SMOC2: variants seen among roughly 807,000 people sequenced by gnomAD.
SMOC2 encodes SPARC related modular calcium binding 2.
SMOC2 carries 39 observed loss-of-function variants against 61.4 expected under a neutral mutation model. The ratio of observed to expected loss-of-function variants is 0.64; its 90% CI spans 0.49 to 0.83. The LOEUF (loss-of-function observed/expected upper bound fraction) is 0.83, where lower values mean the gene tolerates loss of function less well. Ranked by LOEUF, SMOC2 falls within the 40% of genes least tolerant of loss-of-function variation. The pLI, the probability that SMOC2 is intolerant of heterozygous loss-of-function variation, is 0.00. For missense variants in SMOC2, 556 were observed against 592.9 expected (o/e 0.94, Z 0.65); for synonymous variants, 247 against 239.9 (o/e 1.03, Z -0.27).
intron 11 of SMOC2, among the ~76,000 whole-genome samples, chr6:168,661,784 A>G (rs929071790): frequency 3.9e-5 from 6 of 152,246 alleles, no homozygotes; most frequent in Non-Finnish European, 8.8e-5. Flanking sequence ...GATTCAAAGT[A>G]TCACTCCAAT....
intron 7 of SMOC2, among the ~76,000 whole-genome samples, chr6:168,565,527 C>A (rs1784522037): frequency 6.6e-6 from 1 of 152,206 alleles, no homozygotes; most frequent in Non-Finnish European, 1.5e-5. Flanking sequence ...CCTCATTTAT[C>A]CTTAATAAAC....
chr6:168,650,906 A>G, intron 10 of SMOC2, 123 bp downstream of exon 10: 1 of 838,940 alleles, frequency 1.2e-6, no homozygotes, highest in Non-Finnish European at 1.8e-6. Context: ...AGGGCCTTAA[A>G]AAGGAGCCTT....
At chr6:168,456,957 G>C (rs1781600330) in intron 1 of SMOC2, among the ~76,000 whole-genome samples, 1 of 152,142 alleles carries the variant, frequency 6.6e-6, no homozygotes, top group Admixed American at 6.5e-5. Flanking sequence ...AACAAGACTA[G>C]GGCTGCAGGG....
At chr6:168,588,830 C>T (rs539242745) in intron 7 of SMOC2, among the ~76,000 whole-genome samples, 19 of 152,204 alleles carry the variant, frequency 1.2e-4, no homozygotes, top group Middle Eastern at 3.4e-3. Context: ...TGTTGGCTCA[C>T]GCCTGTAATC....
chr6:168,510,788 T>C (rs569287288), intron 2 of SMOC2, among the ~76,000 whole-genome samples: 1 of 152,260 alleles, frequency 6.6e-6, no homozygotes, highest in East Asian at 1.9e-4. Flanking sequence ...CTTACCCAGG[T>C]GTGGAATAAG....
At chr6:168,616,062 C>T (rs899272525) in intron 9 of SMOC2, among the ~76,000 whole-genome samples, 1 of 152,184 alleles carries the variant, frequency 6.6e-6, no homozygotes, top group Non-Finnish European at 1.5e-5. Flanking sequence ...ACAAAGCAGA[C>T]AGGAGCCGGC....
At chr6:168,550,632 T>C (rs1318827908) in intron 7 of SMOC2, among the ~76,000 whole-genome samples, 1 of 152,190 alleles carries the variant, frequency 6.6e-6, no homozygotes, top group Non-Finnish European at 1.5e-5. Context: ...CTTAGCTGTG[T>C]GGCATCTTCT....
intron 2 of SMOC2, among the ~76,000 whole-genome samples, chr6:168,521,513 CTG>C (rs1783328976): frequency 6.6e-6 from 1 of 152,060 alleles, no homozygotes. Flanking sequence ...TGTTTTGTAA[CTG>C]AGAGAGATGA....
chr6:168,594,475 GGGC>G (rs1785262628), intron 7 of SMOC2, among the ~76,000 whole-genome samples: 1 of 2,316 alleles, frequency 4.3e-4, no homozygotes. Flanking sequence ...GAGGCCTCAC[GGGC>G]ATCTTTCTAG....
At chr6:168,599,057 G>C in intron 8 of SMOC2, 53 bp downstream of exon 8, 1 of 1,495,912 alleles carries the variant, frequency 6.7e-7, no homozygotes. Context: ...TTGGGGTGTG[G>C]AAGCCAGGAA....
intron 11 of SMOC2, among the ~76,000 whole-genome samples, chr6:168,660,816 C>G (rs1448847495): frequency 1.3e-5 from 2 of 152,218 alleles, no homozygotes; most frequent in Non-Finnish European, 2.9e-5. Flanking sequence ...TTCTTAGCCC[C>G]TGGCGAGGAA....
chr6:168,611,094 A>G (rs1464558219), intron 9 of SMOC2, among the ~76,000 whole-genome samples: 3 of 152,202 alleles, frequency 2.0e-5, no homozygotes, highest in Non-Finnish European at 4.4e-5. Flanking sequence ...CAGCCTCCCC[A>G]GCCCCCTGAC....
chr6:168,444,686 T>C (rs1263283791), intron 1 of SMOC2, among the ~76,000 whole-genome samples: 1 of 152,250 alleles, frequency 6.6e-6, no homozygotes, highest in Non-Finnish European at 1.5e-5. Flanking sequence ...TTTTCCTTTT[T>C]ATTTCTGTGA....
chr6:168,558,386 C>A (rs905977090), intron 7 of SMOC2, among the ~76,000 whole-genome samples: 2 of 152,102 alleles, frequency 1.3e-5, no homozygotes, highest in Admixed American at 6.5e-5. Flanking sequence ...TAGGTGTGCT[C>A]ACTCCTCCTC....
chr6:168,548,440 C>T (rs1784057878), intron 6 of SMOC2, among the ~76,000 whole-genome samples: 1 of 151,204 alleles, frequency 6.6e-6, no homozygotes, highest in Admixed American at 6.6e-5. Context: ...TCACTGCAAC[C>T]TCCGTCTCCT....
intron 9 of SMOC2, among the ~76,000 whole-genome samples, chr6:168,626,133 C>T (rs1786402822): frequency 6.6e-6 from 1 of 152,200 alleles, no homozygotes; most frequent in Non-Finnish European, 1.5e-5. Context: ...GAGGCAAGTT[C>T]CTTACACTGC....
chr6:168,494,290 T>G (rs1782539430), intron 1 of SMOC2, among the ~76,000 whole-genome samples: 1 of 152,196 alleles, frequency 6.6e-6, no homozygotes. Context: ...TGGGCTCAGG[T>G]AGTTCAGTGG....
intron 4 of SMOC2, among the ~76,000 whole-genome samples, chr6:168,532,189 AGGGCCCTGCTGATGTCGACCTGTG>A (rs1486867663): frequency 2.6e-5 from 4 of 152,060 alleles, no homozygotes; most frequent in Non-Finnish European, 4.4e-5. Context: ...TGCACTCCTC[AGGGCCCTGCTGATGTCGACCTGTG>A]GGGTCTGTAG....
intron 1 of SMOC2, among the ~76,000 whole-genome samples, chr6:168,443,488 T>A (rs1781263140): frequency 6.6e-6 from 1 of 152,098 alleles, no homozygotes; most frequent in South Asian, 2.1e-4. Context: ...TTGCCTGAAA[T>A]TTACATTTGC....
Sources: gnomAD v4.1 joint callset for allele counts (sites outside exome capture counted in the v4.1 genomes callset) on GRCh38, gnomAD v4.1.1 for gene constraint, MANE v1.5 for transcripts, NCBI Gene and HGNC (gene_info 2026-07-23, HGNC 2026-07-21) for gene names.